The following KIZ variants were observed in gnomAD, a reference collection of about 807,000 sequenced individuals.
KIZ encodes centrosomal protein kizuna.
KIZ carries 68 observed loss-of-function variants against 79.6 expected under a neutral mutation model. That is an observed-to-expected ratio of 0.85 (90% CI 0.70 to 1.05). The LOEUF (loss-of-function observed/expected upper bound fraction) is 1.05, where lower values mean the gene tolerates loss of function less well. Among genes scored for constraint, KIZ ranks in the 50% least tolerant of loss-of-function variants. KIZ has a pLI of 0.00. For missense variants in KIZ, 797 were observed against 800.4 expected (o/e 1.00, Z 0.05); for synonymous variants, 280 against 281.8 (o/e 0.99, Z 0.06).
At chr20:21,209,468 C>T (rs1276234944) in intron 7 of KIZ, among the ~76,000 whole-genome samples, 5 of 152,176 alleles carry the variant, frequency 3.3e-5, no homozygotes, top group Non-Finnish European at 5.9e-5. Flanking sequence ...CCACCATACA[C>T]ACAGACCAGT....
At chr20:21,235,206 A>G (rs1221112847) in intron 11 of KIZ, among the ~76,000 whole-genome samples, 2 of 152,236 alleles carry the variant, frequency 1.3e-5, no homozygotes, top group Non-Finnish European at 2.9e-5. Context: ...TACTCTTAGC[A>G]CATTTATACA....
chr20:21,164,450 A>C (rs1479976836), intron 6 of KIZ, among the ~76,000 whole-genome samples: 1 of 152,200 alleles, frequency 6.6e-6, no homozygotes, highest in African/African-American at 2.4e-5. Context: ...TTCTCTCATC[A>C]AAGAGGCACA....
rs200860166 is a variant in KIZ at position 21,145,568 on chromosome 20, G to A, written c.319G>A (p.Glu107Lys). 64 of 1,466,268 alleles carry A rather than the reference G, an allele frequency of 4.4e-5. No individual in the cohort carries two copies. The Middle Eastern group carries it at 5.2e-4, about 12-fold the overall frequency. 90.8% of individuals were successfully genotyped at this position (1,466,268 alleles called of 1,614,324 possible). The change falls in exon 4 of 13, where the codon GAA (glutamate) becomes AAA (lysine). Residue 107 changes from glutamate (E) to lysine (K), a missense_variant. Glu to Lys is a moderately conservative substitution (Grantham distance 56). Transcript: ENST00000619189. ...NTEKLQKLKL[E>K]YETQIKKMLC... is the part of the protein sequence containing the mutation. ...ATCAAACTTTCTTTATATTTAGCTC[G>A]AATATGAGACTCAAATTAAGAAGAT...
At chr20:21,133,707 G>A (rs755392816) in intron 2 of KIZ, among the ~76,000 whole-genome samples, 12 of 152,254 alleles carry the variant, frequency 7.9e-5, no homozygotes, top group Non-Finnish European at 1.6e-4. Flanking sequence ...AGTCTGAGAC[G>A]AGGGTCTGTG....
chr20:21,136,398 T>C lies in KIZ; in HGVS notation c.161T>C (p.Leu54Pro). ...TGCTTTTAATTTTCTAGAGTTAAGC[T>C]GAAATATGTAAAACTAAAGAATTAT... ...YNQSDTCRVK[L>P]KYVKLKNYLK... is the part of the protein sequence containing the mutation. Residue 54 changes from leucine to proline, a missense_variant, in exon 3 of 13, where the codon CTG becomes CCG. Physicochemically the swap from Leu to Pro is moderately conservative, Grantham distance 98 (BLOSUM62 -3). Transcript: ENST00000619189. The C allele has an allele frequency of 6.6e-7, 1 of 1,517,466 alleles. No individual in the cohort carries two copies. The highest frequency in any genetic ancestry group is 9.0e-7 in the Non-Finnish European group (1 of 1,114,976). The allele number at this position is 1,517,466 out of a possible 1,614,324, so 94.0% of individuals were successfully genotyped here.
chr20:21,199,085 G>A (rs1299100635), intron 6 of KIZ, among the ~76,000 whole-genome samples: 1 of 152,090 alleles, frequency 6.6e-6, no homozygotes, highest in Admixed American at 6.6e-5. Context: ...AATTCTCTGC[G>A]CAAACTGAGT....
chr20:21,207,345 A>C (rs761672958), intron 7 of KIZ, among the ~76,000 whole-genome samples: 2 of 152,092 alleles, frequency 1.3e-5, no homozygotes, highest in South Asian at 2.1e-4. Context: ...ACATATATTC[A>C]GTGATAGGAC....
rs1232796713 is a variant in KIZ, at chr20:21,162,840, C to T, written c.1043-10C>T. 3.1e-6 allele frequency: 5 copies of T among 1,606,436 alleles called. No individual in the cohort carries two copies. In the African/African-American group the frequency reaches 6.7e-5, roughly 22 times the overall value. On this transcript the variant is annotated splice_polypyrimidine_tract_variant and intron_variant, in intron 5 of 12. Coordinates refer to ENST00000619189, the MANE Select transcript of KIZ (RefSeq NM_018474.6). ...AGTGATTGGTAATCAGTTCATGTCG[C>T]CACTTGCAGATCATCTTGCTCACAG...
intron 4 of KIZ, among the ~76,000 whole-genome samples, chr20:21,155,547 C>T (rs956529880): frequency 3.9e-5 from 6 of 151,948 alleles, no homozygotes; most frequent in Non-Finnish European, 7.4e-5. Flanking sequence ...TGGGGAGTTA[C>T]GCTAAAAGGT....
intron 1 of KIZ, among the ~76,000 whole-genome samples, chr20:21,128,635 G>C (rs2031639992): frequency 6.6e-6 from 1 of 152,166 alleles, no homozygotes; most frequent in Non-Finnish European, 1.5e-5. Context: ...CTGCATTGTG[G>C]TGAAAGTCAA....
intron 6 of KIZ, among the ~76,000 whole-genome samples, chr20:21,199,594 T>A (rs2035504152): frequency 1.3e-5 from 2 of 152,126 alleles, no homozygotes; most frequent in African/African-American, 4.8e-5. Flanking sequence ...TTCTTCCTAA[T>A]GGATTTTAGT....
intron 4 of KIZ, among the ~76,000 whole-genome samples, chr20:21,147,534 A>G (rs2122527372): frequency 6.6e-6 from 1 of 152,286 alleles, no homozygotes; most frequent in Admixed American, 6.5e-5. Flanking sequence ...GGGCAGTCAT[A>G]TGAATTGGTC....
intron 9 of KIZ, among the ~76,000 whole-genome samples, chr20:21,223,980 A>G (rs1263574465): frequency 7.0e-6 from 1 of 142,810 alleles, no homozygotes; most frequent in Non-Finnish European, 1.5e-5. Flanking sequence ...ACCCGGCCTT[A>G]TTTCCTTATT....
intron 6 of KIZ, among the ~76,000 whole-genome samples, chr20:21,188,910 G>A (rs1350791422): frequency 6.6e-6 from 1 of 151,802 alleles, no homozygotes; most frequent in East Asian, 1.9e-4. Context: ...GGGTTTCACC[G>A]TGTCAGCCAG....
At chr20:21,205,918 G>A (rs1267083652) in intron 7 of KIZ, among the ~76,000 whole-genome samples, 2 of 150,934 alleles carry the variant, frequency 1.3e-5, no homozygotes, top group Non-Finnish European at 2.9e-5. Context: ...CCGAGATCAC[G>A]CCACTGCACT....
At chr20:21,208,633 G>A (rs1441800325) in intron 7 of KIZ, among the ~76,000 whole-genome samples, 1 of 152,014 alleles carries the variant, frequency 6.6e-6, no homozygotes, top group Non-Finnish European at 1.5e-5. Context: ...AACCCAGGAG[G>A]CGGAGCTTGC....
intron 6 of KIZ, among the ~76,000 whole-genome samples, chr20:21,191,301 C>T (rs1454331269): frequency 6.6e-6 from 1 of 152,218 alleles, no homozygotes; most frequent in Non-Finnish European, 1.5e-5. Flanking sequence ...TTTAAACAGA[C>T]TTTGCAGCCT....
At chr20:21,143,520 G>C (rs558835482) in intron 3 of KIZ, among the ~76,000 whole-genome samples, 2 of 152,136 alleles carry the variant, frequency 1.3e-5, no homozygotes, top group African/African-American at 4.8e-5. Context: ...TCTGTTAATC[G>C]TTGTTAACAG....
chr20:21,162,766 T>G, intron 5 of KIZ, 84 bp from the exon 6 acceptor site: 1 of 1,116,008 alleles, frequency 9.0e-7, no homozygotes, highest in African/African-American at 1.6e-5. Context: ...TCCATGTTTT[T>G]AACTGATGAG....
Sources: allele counts gnomAD v4.1 joint callset (sites outside exome capture counted in the v4.1 genomes callset), GRCh38; gene constraint gnomAD v4.1.1; transcripts MANE v1.5; gene names NCBI Gene and HGNC (gene_info 2026-07-23, HGNC 2026-07-21).